Variants in CACNG2 observed in about 807,000 individuals in gnomAD.
CACNG2 encodes calcium voltage-gated channel auxiliary subunit gamma 2.
In CACNG2, 3 loss-of-function variants were observed where a neutral mutation model predicts 25.9. That is an observed-to-expected ratio of 0.12 (90% CI 0.05 to 0.30). CACNG2 has a LOEUF of 0.30. Ranked by LOEUF, CACNG2 falls within the 10% of genes least tolerant of loss-of-function variation. The pLI is 1.00. For missense variants in CACNG2, 341 were observed against 432.5 expected (o/e 0.79, Z 1.88); for synonymous variants, 167 against 173.3 (o/e 0.96, Z 0.29).
chr22:36,660,141 T>C (rs559764705), intron 1 of CACNG2, among the ~76,000 whole-genome samples: 13 of 152,260 alleles, frequency 8.5e-5, no homozygotes, highest in Non-Finnish European at 1.6e-4. Flanking sequence ...TGTTTATGTG[T>C]CATTGTCCCT....
chr22:36,612,881 A>G (rs738977), intron 1 of CACNG2, among the ~76,000 whole-genome samples: 109,427 of 152,090 alleles, frequency 0.72, 40,241 homozygotes, highest in East Asian at 0.97. Flanking sequence ...TACCGGCTGC[A>G]GGTATTTCAT....
At chr22:36,676,838 G>C (rs567382651) in intron 1 of CACNG2, among the ~76,000 whole-genome samples, 4 of 152,072 alleles carry the variant, frequency 2.6e-5, no homozygotes, top group Admixed American at 2.6e-4. Flanking sequence ...ACATCTGCTG[G>C]ATCAGCCTCA....
intron 1 of CACNG2, among the ~76,000 whole-genome samples, chr22:36,676,267 C>A (rs1202730301): frequency 6.6e-6 from 1 of 152,176 alleles, no homozygotes; most frequent in African/African-American, 2.4e-5. Flanking sequence ...TCTTTAAGTA[C>A]CATTGACTTA....
chr22:36,611,772 C>T (rs1935945541), intron 1 of CACNG2, among the ~76,000 whole-genome samples: 1 of 152,112 alleles, frequency 6.6e-6, no homozygotes, highest in African/African-American at 2.4e-5. Context: ...CTGGTCAGGA[C>T]CGAGGCCTCA....
At chr22:36,592,996 GCCCCCA>G (rs2145926074) in intron 1 of CACNG2, among the ~76,000 whole-genome samples, 1 of 152,260 alleles carries the variant, frequency 6.6e-6, no homozygotes, top group East Asian at 1.9e-4. Context: ...TTCTTCTCTT[GCCCCCA>G]TCCTTGGGGC....
At chr22:36,632,102 C>A (rs757364558) in intron 1 of CACNG2, among the ~76,000 whole-genome samples, 2 of 151,952 alleles carry the variant, frequency 1.3e-5, no homozygotes, top group Non-Finnish European at 2.9e-5. Flanking sequence ...ATTTACAACT[C>A]GAAAGGAGAG....
chr22:36,685,796 C>T (rs1937189107), intron 1 of CACNG2, among the ~76,000 whole-genome samples: 1 of 152,240 alleles, frequency 6.6e-6, no homozygotes, highest in Non-Finnish European at 1.5e-5. Flanking sequence ...TTTGTTCCTC[C>T]CTTCCTCCGT....
At chr22:36,565,248 C>T (rs1935106634) in intron 3 of CACNG2, among the ~76,000 whole-genome samples, 2 of 152,322 alleles carry the variant, frequency 1.3e-5, no homozygotes, top group Admixed American at 1.3e-4. Flanking sequence ...AGGAAACAAG[C>T]ACAGAGAGGT....
At chr22:36,596,836 C>T (rs1034515927) in intron 1 of CACNG2, among the ~76,000 whole-genome samples, 1 of 151,952 alleles carries the variant, frequency 6.6e-6, no homozygotes, top group African/African-American at 2.4e-5. Flanking sequence ...TGGCTCGCTG[C>T]AGCCTTGACC....
At chr22:36,581,970 C>T (rs936623409) in intron 2 of CACNG2, among the ~76,000 whole-genome samples, 6 of 152,226 alleles carry the variant, frequency 3.9e-5, no homozygotes, top group Admixed American at 3.9e-4. Flanking sequence ...ACCATCCTTG[C>T]CTCCTTCCTT....
At chr22:36,600,578 G>C (rs908665969) in intron 1 of CACNG2, among the ~76,000 whole-genome samples, 1 of 147,368 alleles carries the variant, frequency 6.8e-6, no homozygotes, top group Non-Finnish European at 1.5e-5. Context: ...ACGGAGTCTT[G>C]CTCTGTTGCC....
intron 3 of CACNG2, among the ~76,000 whole-genome samples, chr22:36,565,609 G>C (rs915566999): frequency 1.3e-5 from 2 of 152,054 alleles, no homozygotes; most frequent in Non-Finnish European, 2.9e-5. Context: ...CTCTCTAGTA[G>C]CTGGGATTAT....
intron 1 of CACNG2, among the ~76,000 whole-genome samples, chr22:36,675,297 G>C (rs575622520): frequency 7.2e-5 from 11 of 151,918 alleles, no homozygotes; most frequent in Non-Finnish European, 1.5e-4. Flanking sequence ...TTCCCGCCTC[G>C]GTCCCCAAAG....
In CACNG2 at chr22:36,587,386, C is replaced by A. The variant is rs1300630507; in HGVS notation, c.295+79G>T. The A allele has an allele frequency of 4.8e-6, 5 of 1,042,298 alleles. No homozygotes were observed. In the South Asian group the frequency reaches 5.0e-5, roughly 10 times the overall value. 64.6% of individuals were successfully genotyped at this position (1,042,298 alleles called of 1,614,324 possible). ...GCTGTGATGAGGGCCTCTAGGTAGG[C>A]CTGGTCCTTGACTCTGTGAAGGATG... On this transcript the variant is annotated intron_variant, in intron 2 of 3. Coordinates refer to ENST00000300105, the MANE Select transcript of CACNG2 (RefSeq NM_006078.5).
chr22:36,623,059 C>G (rs1252335818), intron 1 of CACNG2, among the ~76,000 whole-genome samples: 24 of 129,270 alleles, frequency 1.9e-4, no homozygotes, highest in African/African-American at 6.8e-4. Context: ...CTCTCTCTCT[C>G]TCCCAGGCTG....
At chr22:36,629,788 AG>A (rs1188109427) in intron 1 of CACNG2, among the ~76,000 whole-genome samples, 1 of 152,172 alleles carries the variant, frequency 6.6e-6, no homozygotes, top group East Asian at 1.9e-4. Context: ...AAGAAGACAG[AG>A]AAAGTCTCTG....
chr22:36,692,909 G>A (rs1464051258), intron 1 of CACNG2, among the ~76,000 whole-genome samples: 6 of 152,242 alleles, frequency 3.9e-5, no homozygotes, highest in Admixed American at 3.9e-4. Flanking sequence ...ACTTTGGAAG[G>A]CCGAGGTGGG....
At chr22:36,612,880 C>T (rs928929371) in intron 1 of CACNG2, among the ~76,000 whole-genome samples, 1 of 152,164 alleles carries the variant, frequency 6.6e-6, no homozygotes, top group African/African-American at 2.4e-5. Context: ...TTACCGGCTG[C>T]AGGTATTTCA....
In CACNG2 at chr22:36,612,455, A is replaced by G. The variant is rs535245912; in HGVS notation, c.212-24907T>C. Among the ~76,000 whole-genome samples, 7 of 152,352 alleles carry G rather than the reference A, an allele frequency of 4.6e-5. No individual in the cohort carries two copies. In the South Asian group the frequency reaches 1.5e-3, roughly 32 times the overall value. On this transcript the variant is annotated intron_variant, in intron 1 of 3. Coordinates refer to ENST00000300105, the MANE Select transcript of CACNG2 (RefSeq NM_006078.5). ...AATAATCTTCTACTCTGCCTGGAGT[A>G]AAAGACTCTAGCCTCCTAAGTCCCT...
Sources: allele counts gnomAD v4.1 joint callset (sites outside exome capture counted in the v4.1 genomes callset), GRCh38; gene constraint gnomAD v4.1.1; transcripts MANE v1.5; gene names NCBI Gene and HGNC (gene_info 2026-07-23, HGNC 2026-07-21).